CFAP54: variants seen among roughly 807,000 people sequenced by gnomAD.
The protein encoded by CFAP54 is cilia- and flagella-associated protein 54.
Under a neutral mutation model 370.4 loss-of-function variants are expected in CFAP54, and 290 were observed. The ratio of observed to expected loss-of-function variants is 0.78; its 90% confidence interval spans 0.71 to 0.86. The LOEUF (loss-of-function observed/expected upper bound fraction) is 0.86. CFAP54 is among the 40% of genes least tolerant of loss of function. The pLI, the probability that CFAP54 is intolerant of heterozygous loss-of-function variation, is 0.00. For synonymous variants in CFAP54, 1,206 were observed against 1,236.5 expected (o/e 0.98, Z 0.52); for missense variants, 3,399 against 3,528.7 (o/e 0.96, Z 0.93).
In CFAP54 at chr12:96,588,326, C is replaced by T. The variant is rs115073053; in HGVS notation, c.3076-1101C>T. On this transcript the variant is annotated intron_variant, in intron 22 of 67. Coordinates refer to ENST00000524981, the MANE Select transcript of CFAP54 (RefSeq NM_001306084.2). ...TGAATCTTATCTCTGCCTTAGGGTT[C>T]AACTCAAGCCCTGCCTTTTCCTTGA... 4.6e-3 allele frequency among the ~76,000 whole-genome samples: 707 copies of T among 152,250 alleles called. 4 individuals carry two copies. The highest frequency in any genetic ancestry group is 0.016 in the African/African-American group (672 of 41,552).
intron 39 of CFAP54, among the ~76,000 whole-genome samples, chr12:96,664,551 A>G (rs1166898339): frequency 2.0e-5 from 3 of 150,544 alleles, no homozygotes; most frequent in African/African-American, 4.9e-5. Flanking sequence ...ATTTAGGTTC[A>G]TTCCACTTCT....
chr12:96,713,794 T>A (rs1565951243), intron 48 of CFAP54, among the ~76,000 whole-genome samples: 1 of 151,996 alleles, frequency 6.6e-6, no homozygotes, highest in East Asian at 1.9e-4. Flanking sequence ...GACGTGAGTT[T>A]CTGAGGAAGA....
In CFAP54 at chr12:96,500,855, CTG is replaced by C; in HGVS notation, c.340_341del (p.Trp114AspfsTer2). On this transcript the variant is annotated frameshift_variant, in exon 2 of 68. Coordinates refer to ENST00000524981, the MANE Select transcript of CFAP54 (RefSeq NM_001306084.2). LOFTEE classifies it high-confidence loss of function. Reference protein sequence around the residue: ...RRCATSLFNIWTKYAPRLPAD... With the variant: ...RRCATSLFNIXTKYAPRLPAD... Reference sequence around the variant, plus strand: ...ACAGTGCCACTTCTTTGTTTAATATCTGGACTAAATACGCCCCCAGGCTGCCA... The same window carrying C: ...ACAGTGCCACTTCTTTGTTTAATATCGACTAAATACGCCCCCAGGCTGCCA... The C allele has an allele frequency of 6.5e-7, 1 of 1,526,928 alleles. No homozygotes were observed. Among genetic ancestry groups the C allele is most frequent in the South Asian group, 1.2e-5 (1 of 83,552 alleles). 94.6% of individuals were successfully genotyped at this position (1,526,928 alleles called of 1,614,324 possible). A position where few individuals can be genotyped will look rare whatever the true frequency, so the allele number is the denominator to read the frequency against.
At chr12:96,530,039 C>A (rs1955424852) in intron 9 of CFAP54, among the ~76,000 whole-genome samples, 1 of 152,182 alleles carries the variant, frequency 6.6e-6, no homozygotes, top group South Asian at 2.1e-4. Context: ...TTATATACTT[C>A]TATATGTATA....
chr12:96,852,790 T>A (rs1959585478), intron 66 of CFAP54, among the ~76,000 whole-genome samples: 1 of 152,096 alleles, frequency 6.6e-6, no homozygotes, highest in African/African-American at 2.4e-5. Flanking sequence ...CCTGTATATA[T>A]GAATGAGAAA....
chr12:96,663,723 G>A (rs1003140865), intron 38 of CFAP54, 107 bp from the exon 39 acceptor site: 4 of 724,000 alleles, frequency 5.5e-6, no homozygotes, highest in African/African-American at 5.4e-5. Context: ...GCATTGTTAT[G>A]TATCTCTTTA....
intron 26 of CFAP54, among the ~76,000 whole-genome samples, chr12:96,616,830 G>A (rs374343392): frequency 4.8e-4 from 73 of 152,246 alleles, no homozygotes; most frequent in Admixed American, 3.3e-3. Flanking sequence ...TGCCATTGAC[G>A]GGTTTCACAC....
At chr12:96,728,708 C>G (rs1297677786) in intron 50 of CFAP54, among the ~76,000 whole-genome samples, 4 of 152,182 alleles carry the variant, frequency 2.6e-5, no homozygotes, top group Non-Finnish European at 4.4e-5. Context: ...AGCTTTGTTC[C>G]GTTGCTGGTG....
chr12:96,741,266 A>T (rs1197648404), intron 51 of CFAP54, among the ~76,000 whole-genome samples: 1 of 151,820 alleles, frequency 6.6e-6, no homozygotes, highest in Non-Finnish European at 1.5e-5. Context: ...TCCTGGGTTC[A>T]AGCAATTCTC....
intron 1 of CFAP54, among the ~76,000 whole-genome samples, chr12:96,499,532 A>G (rs1246110203): frequency 2.6e-5 from 4 of 152,166 alleles, no homozygotes; most frequent in Non-Finnish European, 5.9e-5. Flanking sequence ...GCAAAATAGT[A>G]CAGCCACTTT....
chr12:96,843,603 C>T (rs574878429), intron 66 of CFAP54, among the ~76,000 whole-genome samples: 14 of 152,224 alleles, frequency 9.2e-5, no homozygotes, highest in African/African-American at 2.4e-4. Context: ...GAGAGTTGGG[C>T]GACTCTCCTT....
chr12:96,519,760 C>T lies in CFAP54; in HGVS notation c.942+689C>T, dbSNP rs180875322. 1.1e-4 allele frequency among the ~76,000 whole-genome samples: 16 copies of T among 152,310 alleles called. No homozygotes were observed. In the East Asian group the frequency reaches 2.7e-3, roughly 26 times the overall value. On this transcript the variant is annotated intron_variant, in intron 6 of 67. Coordinates refer to ENST00000524981, the MANE Select transcript of CFAP54 (RefSeq NM_001306084.2). ...AAGCTAATTAACATATTCATCTTCT[C>T]ACATACCTTTTTCTTGTAGTGAGAA...
rs746671709 is a variant in CFAP54 at position 96,679,608 on chromosome 12, C to T, written c.5572C>T (p.Arg1858Ter). The T allele has an allele frequency of 2.0e-5, 33 of 1,611,578 alleles. No individual in the cohort carries two copies. Among genetic ancestry groups the T allele is most frequent in the African/African-American group, 6.7e-5 (5 of 74,892 alleles). ...LKMLISSEYSRAKALVCVPVD... is the reference protein window; with the variant it reads ...LKMLISSEYS ...CTTTTCTTTCCTTTCAGAATACAGC[C>T]GAGCCAAAGCGCTTGTCTGCGTGCC... The change falls in exon 40 of 68, where the codon CGA (arginine) becomes TGA (stop). Residue 1858 changes from arginine (R) to a stop codon, truncating the protein, a stop_gained. Coordinates refer to ENST00000524981, the MANE Select transcript of CFAP54 (RefSeq NM_001306084.2). LOFTEE classifies it high-confidence loss of function.
At chr12:96,825,350 C>T (rs1959079384) in intron 65 of CFAP54, among the ~76,000 whole-genome samples, 1 of 117,152 alleles carries the variant, frequency 8.5e-6, no homozygotes, top group African/African-American at 3.4e-5. Context: ...TATTATGTAA[C>T]ATGTTATATT....
chr12:96,834,180 T>A (rs1362931197), intron 66 of CFAP54, among the ~76,000 whole-genome samples: 1 of 151,856 alleles, frequency 6.6e-6, no homozygotes, highest in Non-Finnish European at 1.5e-5. Flanking sequence ...GATTAGTCTT[T>A]AAGAAGATTC....
chr12:96,733,547 T>TTG (rs1957947426), intron 50 of CFAP54, among the ~76,000 whole-genome samples: 1 of 142,124 alleles, frequency 7.0e-6, no homozygotes, highest in African/African-American at 3.0e-5. Flanking sequence ...TGTGGGTTTT[T>TTG]TTTTTTTTTT....
chr12:96,774,194 T>C (rs1406197301), intron 60 of CFAP54, among the ~76,000 whole-genome samples: 2 of 152,066 alleles, frequency 1.3e-5, no homozygotes, highest in Admixed American at 6.6e-5. Context: ...TCCTTTATTA[T>C]GAAAATCAAC....
intron 66 of CFAP54, among the ~76,000 whole-genome samples, chr12:96,830,501 C>T (rs986607253): frequency 2.0e-5 from 3 of 152,038 alleles, no homozygotes; most frequent in South Asian, 2.1e-4. Flanking sequence ...TGACCATTTG[C>T]GTATCTTCTT....
chr12:96,500,384 T>A (rs183162589), intron 1 of CFAP54, among the ~76,000 whole-genome samples: 113 of 152,330 alleles, frequency 7.4e-4, no homozygotes, highest in African/African-American at 2.5e-3. Context: ...ATAGACATTA[T>A]ATACATTTGT....
Sources: gnomAD v4.1 joint callset for allele counts (sites outside exome capture counted in the v4.1 genomes callset) on GRCh38, gnomAD v4.1.1 for gene constraint, MANE v1.5 for transcripts, NCBI Gene and HGNC (gene_info 2026-07-23, HGNC 2026-07-21) for gene names.